The following ITGB4 variants were observed in gnomAD, a reference collection of about 807,000 sequenced individuals.
ITGB4 encodes integrin beta-4.
Under a neutral mutation model 207.6 loss-of-function variants are expected in ITGB4, and 159 were observed. That is an observed-to-expected ratio of 0.77 (90% CI 0.67 to 0.87). The LOEUF is 0.87. Among genes scored for constraint, ITGB4 ranks in the 40% least tolerant of loss-of-function variants. The pLI is 0.00. For synonymous variants in ITGB4, 1,020 were observed against 1,062.7 expected (o/e 0.96, Z 0.78); for missense variants, 2,278 against 2,546.8 (o/e 0.89, Z 2.27).
chr17:75,744,184 A>G (rs9915501), intron 26 of ITGB4, among the ~76,000 whole-genome samples: 40,675 of 148,248 alleles, frequency 0.27, 5,815 homozygotes, highest in East Asian at 0.42. Context: ...GCAATGGCAC[A>G]ATCTCAGCTC....
Position 75,757,626 on chromosome 17 carries a change from CT to C in ITGB4, c.*72del. Reference sequence around the variant, plus strand: ...GACTCCTCTCCCGGAGCCTCCTCAGCTACTCCATCCTTGCACCCCTGGGGGC... The same window carrying C: ...GACTCCTCTCCCGGAGCCTCCTCAGCACTCCATCCTTGCACCCCTGGGGGC... On this transcript the variant is annotated 3_prime_UTR_variant, in exon 40 of 40. Transcript: ENST00000200181. 1 of 1,597,990 alleles carries C rather than the reference CT, an allele frequency of 6.3e-7. No individual in the cohort carries two copies. Among genetic ancestry groups the C allele is most frequent in the South Asian group, 1.1e-5 (1 of 90,768 alleles).
Position 75,740,924 on chromosome 17 carries a change from C to A in ITGB4, c.2610-58C>A. 6.2e-7 allele frequency: 1 copy of A among 1,613,656 alleles called. No homozygotes were observed. The highest frequency in any genetic ancestry group is 8.5e-7 in the Non-Finnish European group (1 of 1,179,790). ...GACTCCAGGAGCCGAAGCCCCCAGG[C>A]CGATCAGGCCTCCACTTCAGGGCTA... is the stretch of plus-strand genomic sequence containing the variant. On this transcript the variant is annotated intron_variant, in intron 22 of 39. Coordinates refer to ENST00000200181, the MANE Select transcript of ITGB4 (RefSeq NM_000213.5). The surrounding 1 kb of genome is among the most constrained non-coding windows in gnomAD (Gnocchi z 5.9).
Position 75,727,654 on chromosome 17 carries a change from A to G in ITGB4, c.268A>G (p.Thr90Ala). Residue 90 changes from threonine (T) to alanine (A), a missense_variant, in exon 5 of 40, where the codon ACC becomes GCC. Physicochemically the swap from Thr to Ala is moderately conservative, Grantham distance 58. Transcript: ENST00000200181. This position sits in a 1 kb window ranked among gnomAD's most constrained non-coding sequence, Gnocchi z 6.0. ...TGTCCCCTTCCACTGGCTGCAGGAG[A>G]CCCAGATTGACACCACCCTGCGGCG... ...MESSFQITEE[T>A]QIDTTLRRSQ... The G allele has an allele frequency of 6.2e-7, 1 of 1,603,938 alleles. No homozygotes were observed. The highest frequency in any genetic ancestry group is 1.1e-5 in the South Asian group (1 of 89,864).
At chr17:75,755,018 T>G in intron 34 of ITGB4, 1 of 1,582,624 alleles carries the variant, frequency 6.3e-7, no homozygotes, top group Admixed American at 1.8e-5. Context: ...GCATGCACAC[T>G]CCCTGCTCCT....
intron 32 of ITGB4, among the ~76,000 whole-genome samples, 183 bp downstream of exon 32, chr17:75,752,760 G>GAC (rs979575628): frequency 2.6e-5 from 4 of 152,194 alleles, no homozygotes; most frequent in Non-Finnish European, 5.9e-5. Flanking sequence ...CTGGGGGACA[G>GAC]ACACACACAG....
Position 75,736,308 on chromosome 17 carries a change from C to A in ITGB4, c.1782C>A (p.Gly594=). 6.2e-7 allele frequency: 1 copy of A among 1,613,946 alleles called. No homozygotes were observed. The highest frequency in any genetic ancestry group is 8.5e-7 in the Non-Finnish European group (1 of 1,179,996). The change falls in exon 15 of 40, where the codon GGC becomes GGA. Residue 594 remains glycine, a synonymous_variant. Coordinates refer to ENST00000200181, the MANE Select transcript of ITGB4 (RefSeq NM_000213.5). ...DSNGGICNGR[G]HCECGRCHCH... is the part of the protein sequence containing the mutation. Reference sequence around the variant, plus strand: ...CCCAGGGCATCTGTAATGGACGTGGCCACTGTGAGTGTGGCCGCTGCCACT... The same window carrying A: ...CCCAGGGCATCTGTAATGGACGTGGACACTGTGAGTGTGGCCGCTGCCACT...
Position 75,729,370 on chromosome 17 carries a change from G to T in ITGB4, c.672G>T (p.Arg224=). 6.2e-7 allele frequency: 1 copy of T among 1,614,158 alleles called. No individual in the cohort carries two copies. The highest frequency in any genetic ancestry group is 1.1e-5 in the South Asian group (1 of 91,082). Residue 224 remains arginine (R), a synonymous_variant, in exon 7 of 40, where the codon CGG becomes CGT. Coordinates refer to ENST00000200181, the MANE Select transcript of ITGB4 (RefSeq NM_000213.5). This position sits in a 1 kb window ranked among gnomAD's most constrained non-coding sequence, Gnocchi z 4.4. ...TCCGGAATAAACTGCAGGGAGAGCG[G>T]ATCTCAGGCAACCTGGATGCTCCTG... ...DEFRNKLQGE[R]ISGNLDAPEG... is the part of the protein sequence containing the mutation.
chr17:75,755,578 T>C (rs1568385320), intron 34 of ITGB4, 123 bp from the exon 35 acceptor site: 2 of 1,261,976 alleles, frequency 1.6e-6, no homozygotes, highest in Non-Finnish European at 2.3e-6. Flanking sequence ...GGTGAGTGAG[T>C]TGTCCAGCCA....
intron 32 of ITGB4, among the ~76,000 whole-genome samples, chr17:75,752,924 G>A (rs745318600): frequency 3.9e-5 from 6 of 152,156 alleles, no homozygotes; most frequent in Non-Finnish European, 4.4e-5. Flanking sequence ...GCCACCAGGC[G>A]GCCACCTGGC....
chr17:75,742,210 G>A lies in ITGB4; in HGVS notation c.2634-131G>A. The A allele has an allele frequency of 8.4e-7, 1 of 1,186,976 alleles. No homozygotes were observed. The highest frequency in any genetic ancestry group is 1.2e-6 in the Non-Finnish European group (1 of 820,314). The allele number at this position is 1,186,976 out of a possible 1,614,324, so 73.5% of individuals were successfully genotyped here. On this transcript the variant is annotated intron_variant, in intron 23 of 39. Coordinates refer to ENST00000200181, the MANE Select transcript of ITGB4 (RefSeq NM_000213.5). This position sits in a 1 kb window ranked among gnomAD's most constrained non-coding sequence, Gnocchi z 5.9. ...CTGGCATAGGCCTGGAGCACTGCCT[G>A]CCTCTGAAGACCCTGCACTTCTTGC...
In ITGB4 at chr17:75,756,525, C is replaced by T. The variant is rs1390647344; in HGVS notation, c.4805C>T (p.Ala1602Val). ...CACTCCTACGTGTTCCGCGTGCGGG[C>T]CCAGAGCCAGGAAGGCTGGGGCCGA... is the stretch of plus-strand genomic sequence containing the variant. ...PNHSYVFRVR[A>V]QSQEGWGRER... is the part of the protein sequence containing the mutation. The change falls in exon 36 of 40, where the codon GCC becomes GTC. Residue 1602 changes from alanine to valine, a missense_variant. Physicochemically the swap from Ala to Val is moderately conservative, Grantham distance 64. Coordinates refer to ENST00000200181, the MANE Select transcript of ITGB4 (RefSeq NM_000213.5). The T allele has an allele frequency of 6.2e-7, 1 of 1,613,304 alleles. No homozygotes were observed. Among genetic ancestry groups the T allele is most frequent in the Non-Finnish European group, 8.5e-7 (1 of 1,180,000 alleles).
Position 75,752,435 on chromosome 17 carries a change from C to A in ITGB4, c.3977-11C>A. The A allele has an allele frequency of 6.2e-7, 1 of 1,613,202 alleles. No individual in the cohort carries two copies. Among genetic ancestry groups the A allele is most frequent in the South Asian group, 1.1e-5 (1 of 91,080 alleles). ...GCAGCCAGGGCCCTGGCTCACTCCC[C>A]TGCCCTGCAGTCCCCATCATCCCTG... On this transcript the variant is annotated splice_polypyrimidine_tract_variant and intron_variant, in intron 31 of 39. Transcript: ENST00000200181.
At chr17:75,734,458 A>T (rs1175784436) in intron 13 of ITGB4, among the ~76,000 whole-genome samples, 1 of 151,884 alleles carries the variant, frequency 6.6e-6, no homozygotes, top group Non-Finnish European at 1.5e-5. Flanking sequence ...CGGCCCAAAG[A>T]TGCTAAATTT....
chr17:75,752,889 A>G (rs2061400715), intron 32 of ITGB4, among the ~76,000 whole-genome samples: 1 of 152,140 alleles, frequency 6.6e-6, no homozygotes, highest in South Asian at 2.1e-4. Context: ...CCCCAGGGGC[A>G]GGCCTGGCCC....
At position 75,737,339 on chromosome 17, in the gene ITGB4, C is replaced by T. The variant is rs759171593; in HGVS notation, c.2008C>T (p.Arg670Cys). 6.3e-6 allele frequency: 10 copies of T among 1,592,220 alleles called. No individual in the cohort carries two copies. The East Asian group carries it at 9.2e-5, about 15-fold the overall frequency. ...GGGTACAGCCGAGGAGGTGGTGGTG[C>T]GCTGCTCCTTCCGGGACGAGGATGA... ...ELKRAEEVVVRCSFRDEDDDC... is the reference protein window; with the variant it reads ...ELKRAEEVVVCCSFRDEDDDC... The change falls in exon 17 of 40, where the codon CGC becomes TGC. Residue 670 changes from arginine to cysteine, a missense_variant. Coordinates refer to ENST00000200181, the MANE Select transcript of ITGB4 (RefSeq NM_000213.5).
chr17:75,735,276 T>TA (rs1568355440), intron 13 of ITGB4, among the ~76,000 whole-genome samples: 1 of 151,744 alleles, frequency 6.6e-6, no homozygotes, highest in East Asian at 1.9e-4. Context: ...TTAGTGGAAA[T>TA]AGAGTTTCAC....
intron 13 of ITGB4, among the ~76,000 whole-genome samples, 163 bp downstream of exon 13, chr17:75,733,855 T>C (rs771079142): frequency 6.6e-6 from 1 of 152,244 alleles, no homozygotes; most frequent in African/African-American, 2.4e-5. Flanking sequence ...CCCTGAGTCC[T>C]GCCCCAACCT....
In ITGB4 at chr17:75,749,065, C is replaced by A; in HGVS notation, c.3316+20C>A. The A allele has an allele frequency of 6.3e-7, 1 of 1,599,164 alleles. No homozygotes were observed. The highest frequency in any genetic ancestry group is 1.1e-5 in the South Asian group (1 of 90,422). ...ACCCAGGTAGGCAGAGCCTGGGGGT[C>A]GGCTTAAGCAGGAGGAGAGGGAAGA... On this transcript the variant is annotated intron_variant, in intron 27 of 39. Transcript: ENST00000200181.
chr17:75,727,990 C>T lies in ITGB4; in HGVS notation c.469+135C>T, dbSNP rs2060759254. 7.6e-6 allele frequency: 6 copies of T among 793,268 alleles called. No individual in the cohort carries two copies. The highest frequency in any genetic ancestry group is 1.7e-5 in the African/African-American group (1 of 57,982). The allele number at this position is 793,268 out of a possible 1,614,324, so 49.1% of individuals were successfully genotyped here. ...ACATTTGAGCCCCCAAAAACCTTCC[C>T]TTCCATTCTCAAGGGAAGAATCTCG... On this transcript the variant is annotated intron_variant, in intron 5 of 39. Coordinates refer to ENST00000200181, the MANE Select transcript of ITGB4 (RefSeq NM_000213.5). This position sits in a 1 kb window ranked among gnomAD's most constrained non-coding sequence, Gnocchi z 6.0.
Sources: gnomAD v4.1 joint callset for allele counts (sites outside exome capture counted in the v4.1 genomes callset) on GRCh38, gnomAD v4.1.1 for gene constraint, Gnocchi (gnomAD v3.1) non-coding constraint, MANE v1.5 for transcripts, NCBI Gene and HGNC (gene_info 2026-07-23, HGNC 2026-07-21) for gene names.